Variants in PDE11A observed in about 807,000 individuals in gnomAD.
PDE11A encodes dual 3',5'-cyclic-AMP and -GMP phosphodiesterase 11A.
Under a neutral mutation model 100.5 loss-of-function variants are expected in PDE11A, and 100 were observed. The observed-to-expected ratio is 1.00, with a 90% CI of 0.85 to 1.18. The LOEUF is 1.18. PDE11A is among the 50% of genes most tolerant of loss of function. PDE11A has a pLI of 0.00. For missense variants in PDE11A, 1,141 were observed against 1,152.6 expected, an observed-to-expected ratio of 0.99 and a Z score of 0.15; for synonymous variants, 381 against 420.8, an observed-to-expected ratio of 0.91 and a Z score of 1.16.
chr2:177,692,021 C>T lies in PDE11A; in HGVS notation c.2345+5311G>A, dbSNP rs112247002. Among the ~76,000 whole-genome samples the T allele has an allele frequency of 2.0e-3, 312 of 152,208 alleles. 2 individuals are homozygous for T. The highest frequency in any genetic ancestry group is 7.2e-3 in the African/African-American group (297 of 41,518). On this transcript the variant is annotated intron_variant, in intron 15 of 19. Coordinates refer to ENST00000286063, the MANE Select transcript of PDE11A (RefSeq NM_016953.4). ...TTTAAGGCAACTTGAATCCATGCTC[C>T]GGGGTTGCAGTCCTCAATCTTGGCT...
chr2:177,865,512 A>G (rs753834527), intron 5 of PDE11A, among the ~76,000 whole-genome samples: 2 of 152,194 alleles, frequency 1.3e-5, no homozygotes, highest in African/African-American at 4.8e-5. Flanking sequence ...TTCTAGGCCT[A>G]TACCCAAAAG....
At chr2:177,936,091 A>T (rs1305018048) in intron 2 of PDE11A, among the ~76,000 whole-genome samples, 3 of 152,214 alleles carry the variant, frequency 2.0e-5, no homozygotes, top group Non-Finnish European at 4.4e-5. Context: ...GAACCACAGA[A>T]AAAGATGGGT....
intron 2 of PDE11A, among the ~76,000 whole-genome samples, chr2:177,912,566 C>T (rs1440256033): frequency 6.6e-6 from 1 of 152,168 alleles, no homozygotes; most frequent in Non-Finnish European, 1.5e-5. Context: ...ATAACCTTCT[C>T]ATGTCTGGGG....
chr2:177,835,302 C>T (rs184667067), intron 6 of PDE11A, among the ~76,000 whole-genome samples: 3 of 152,286 alleles, frequency 2.0e-5, no homozygotes, highest in South Asian at 4.2e-4. Flanking sequence ...TAGTCTGTAC[C>T]TCTCTCAAAT....
At chr2:177,984,714 A>T (rs2085921294) in intron 2 of PDE11A, among the ~76,000 whole-genome samples, 2 of 152,114 alleles carry the variant, frequency 1.3e-5, no homozygotes, top group Non-Finnish European at 2.9e-5. Context: ...TCACCAAAAA[A>T]CCCCCATGAG....
intron 4 of PDE11A, among the ~76,000 whole-genome samples, chr2:177,887,698 G>A (rs2084461319): frequency 6.6e-6 from 1 of 152,162 alleles, no homozygotes; most frequent in Non-Finnish European, 1.5e-5. Context: ...AGGCTGCAGT[G>A]AGCTGTGATG....
chr2:177,672,138 C>A (rs1398347832), intron 17 of PDE11A, among the ~76,000 whole-genome samples: 3 of 152,186 alleles, frequency 2.0e-5, no homozygotes, highest in African/African-American at 7.2e-5. Context: ...GAAGGGAGGC[C>A]TTCCCACATG....
chr2:178,032,500 G>A (rs1278298310), intron 1 of PDE11A, among the ~76,000 whole-genome samples: 5 of 148,310 alleles, frequency 3.4e-5, no homozygotes, highest in South Asian at 4.3e-4. Flanking sequence ...AAAAAAAAAG[G>A]ACTTGGGTTT....
intron 10 of PDE11A, among the ~76,000 whole-genome samples, chr2:177,739,725 C>T (rs1046663391): frequency 1.3e-5 from 2 of 152,200 alleles, no homozygotes; most frequent in African/African-American, 4.8e-5. Flanking sequence ...CTAGTTTCCA[C>T]ATATTTTTCA....
intron 2 of PDE11A, among the ~76,000 whole-genome samples, chr2:178,078,611 T>C (rs541916247): frequency 6.6e-6 from 1 of 152,308 alleles, no homozygotes; most frequent in African/African-American, 2.4e-5. Flanking sequence ...CATATTTTCT[T>C]CATCTTAAAA....
chr2:177,969,263 G>C (rs554805577), intron 2 of PDE11A, among the ~76,000 whole-genome samples: 1 of 152,178 alleles, frequency 6.6e-6, no homozygotes, highest in East Asian at 1.9e-4. Context: ...CACCGGTCCT[G>C]TCGGGGTTGG....
intron 5 of PDE11A, among the ~76,000 whole-genome samples, chr2:177,841,321 C>G (rs1262845080): frequency 2.0e-5 from 3 of 152,184 alleles, no homozygotes; most frequent in Non-Finnish European, 2.9e-5. Flanking sequence ...TGATTTGTCG[C>G]TTGGCAAGTG....
chr2:178,059,905 G>A (rs2086946012), intron 1 of PDE11A, among the ~76,000 whole-genome samples: 1 of 152,216 alleles, frequency 6.6e-6, no homozygotes, highest in South Asian at 2.1e-4. Context: ...GACTGGGGCT[G>A]GGGCCCACTC....
At chr2:177,801,377 T>G (rs1400025127) in intron 9 of PDE11A, among the ~76,000 whole-genome samples, 3 of 152,164 alleles carry the variant, frequency 2.0e-5, no homozygotes, top group Non-Finnish European at 4.4e-5. Context: ...TGCTGAGTCC[T>G]CGGTATGGAG....
intron 2 of PDE11A, among the ~76,000 whole-genome samples, chr2:177,985,837 G>T (rs922776918): frequency 1.3e-5 from 2 of 152,190 alleles, no homozygotes; most frequent in African/African-American, 4.8e-5. Flanking sequence ...AGAACAATGC[G>T]CAAGTGCTTG....
chr2:178,056,957 G>T (rs2086907393), intron 1 of PDE11A, among the ~76,000 whole-genome samples: 1 of 152,088 alleles, frequency 6.6e-6, no homozygotes, highest in African/African-American at 2.4e-5. Flanking sequence ...TACACAAAAG[G>T]AACGGCAGGT....
intron 1 of PDE11A, among the ~76,000 whole-genome samples, chr2:178,045,470 G>C (rs2105852251): frequency 6.6e-6 from 1 of 152,300 alleles, no homozygotes; most frequent in Non-Finnish European, 1.5e-5. Flanking sequence ...ATTGTGAAAA[G>C]ATGTTGTTGA....
intron 1 of PDE11A, among the ~76,000 whole-genome samples, chr2:178,069,158 C>T (rs2087090797): frequency 6.6e-6 from 1 of 152,050 alleles, no homozygotes; most frequent in African/African-American, 2.4e-5. Context: ...TGCAATGTAC[C>T]AGATATTATT....
chr2:177,997,607 T>C, intron 2 of PDE11A: 2 of 1,076,046 alleles, frequency 1.9e-6, no homozygotes, highest in Non-Finnish European at 2.9e-6. Context: ...TGAAGTTGTC[T>C]GATATAAACT....
Sources: gnomAD v4.1 joint callset for allele counts (sites outside exome capture counted in the v4.1 genomes callset) on GRCh38, gnomAD v4.1.1 for gene constraint, MANE v1.5 for transcripts, NCBI Gene and HGNC (gene_info 2026-07-23, HGNC 2026-07-21) for gene names.